Variants in LIMCH1 observed in about 807,000 individuals in gnomAD.
LIMCH1 encodes the protein LIM and calponin homology domains 1, also known as LIM and calponin homology domains-containing protein 1.
LIMCH1 carries 113 observed loss-of-function variants against 176.5 expected under a neutral mutation model. That is an observed-to-expected ratio of 0.64 (90% CI 0.55 to 0.75). LIMCH1 has a LOEUF of 0.75. Ranked by LOEUF, LIMCH1 falls within the 30% of genes least tolerant of loss-of-function variation. The pLI is 0.00. For synonymous variants in LIMCH1, 619 were observed against 645.9 expected (o/e 0.96, Z 0.63); for missense variants, 1,674 against 1,814.9 (o/e 0.92, Z 1.41).
intron 1 of LIMCH1, among the ~76,000 whole-genome samples, chr4:41,401,462 G>C (rs1354247346): frequency 5.3e-5 from 8 of 152,280 alleles, no homozygotes; most frequent in African/African-American, 1.9e-4. Context: ...AAGTCAGGTA[G>C]CATGATGCCT....
intron 1 of LIMCH1, among the ~76,000 whole-genome samples, chr4:41,440,700 T>G (rs2062609704): frequency 1.3e-5 from 2 of 152,036 alleles, no homozygotes; most frequent in Admixed American, 1.3e-4. Context: ...GCCCGGCTAA[T>G]TTTTGTATTT....
At chr4:41,539,639 T>G (rs2078373699) in intron 1 of LIMCH1, among the ~76,000 whole-genome samples, 1 of 152,208 alleles carries the variant, frequency 6.6e-6, no homozygotes, top group Non-Finnish European at 1.5e-5. Flanking sequence ...ATTTTCCCAT[T>G]TCCATTTAGT....
At chr4:41,444,313 TACACACACACACACAC>T (rs71198657) in intron 1 of LIMCH1, among the ~76,000 whole-genome samples, 55 of 134,212 alleles carry the variant, frequency 4.1e-4, no homozygotes, top group Middle Eastern at 3.7e-3. Context: ...TGTATATATA[TACACACACACACACAC>T]ACACACACAC....
At position 41,687,922 on chromosome 4, in the gene LIMCH1, A is replaced by G. The variant is rs1251034634; in HGVS notation, c.4166+5A>G. On this transcript the variant is annotated splice_donor_5th_base_variant and intron_variant, in intron 29 of 31. Transcript: ENST00000503057. ...TCCCGGTCAGTCACCAAACAGGTAC[A>G]AGAGGTCAGCAGGCCTTTCTGAGGC... The G allele has an allele frequency of 6.2e-7, 1 of 1,612,114 alleles. No individual in the cohort carries two copies. The highest frequency in any genetic ancestry group is 1.1e-5 in the South Asian group (1 of 90,984).
intron 1 of LIMCH1, among the ~76,000 whole-genome samples, chr4:41,563,294 AGT>A (rs1436618705): frequency 1.3e-5 from 2 of 152,134 alleles, no homozygotes; most frequent in Non-Finnish European, 2.9e-5. Flanking sequence ...GGGGGCCTGC[AGT>A]GTATGCACAC....
chr4:41,685,605 C>A lies in LIMCH1; in HGVS notation c.3968-105C>A, dbSNP rs931576476. On this transcript the variant is annotated intron_variant, in intron 27 of 31. Coordinates refer to ENST00000503057, the MANE Select transcript of LIMCH1 (RefSeq NM_001330672.2). ...CATGTGCCCATGACCTGCATGAAATCGCTATAAAACCTCAACAGGCATTAG... is the reference window on the plus strand; with the variant it reads ...CATGTGCCCATGACCTGCATGAAATAGCTATAAAACCTCAACAGGCATTAG... 4.4e-5 allele frequency: 58 copies of A among 1,328,474 alleles called. No homozygotes were observed. In the African/African-American group the frequency reaches 8.4e-4, roughly 19 times the overall value. 82.3% of individuals were successfully genotyped at this position (1,328,474 alleles called of 1,614,324 possible). A position where few individuals can be genotyped will look rare whatever the true frequency, so the allele number is the denominator to read the frequency against.
intron 4 of LIMCH1, chr4:41,612,637 G>A (rs1292282760): frequency 2.8e-6 from 2 of 702,504 alleles, no homozygotes; most frequent in East Asian, 2.7e-5. Context: ...TTCTTCTGCT[G>A]GAGTTTCAGT....
chr4:41,523,566 A>G (rs1225867092), intron 2 of LIMCH1, among the ~76,000 whole-genome samples: 2 of 152,228 alleles, frequency 1.3e-5, no homozygotes, highest in Admixed American at 1.3e-4. Flanking sequence ...AACATTCTAC[A>G]TTCTACAGCC....
intron 2 of LIMCH1, among the ~76,000 whole-genome samples, chr4:41,516,726 A>T (rs574471957): frequency 1.3e-5 from 2 of 152,214 alleles, no homozygotes; most frequent in African/African-American, 2.4e-5. Flanking sequence ...TAGTATTAAG[A>T]GGGATGTGAT....
rs748989743 is a variant in LIMCH1 at position 41,564,997 on chromosome 4, TA to T, written c.-241+26650del. On this transcript the variant is annotated intron_variant, in intron 1 of 31. Coordinates refer to ENST00000503057, the MANE Select transcript of LIMCH1 (RefSeq NM_001330672.2). Reference sequence around the variant, plus strand: ...CAGCCCTACAGAACTGTAAGTCAATTAAACCTCTTTCCTTTATAAATTACCC... The same window carrying T: ...CAGCCCTACAGAACTGTAAGTCAATTAACCTCTTTCCTTTATAAATTACCC... Among the ~76,000 whole-genome samples the T allele has an allele frequency of 8.0e-4, 122 of 152,352 alleles. 1 individual carries two copies. The highest frequency in any genetic ancestry group is 1.4e-3 in the Admixed American group (22 of 15,302).
intron 1 of LIMCH1, among the ~76,000 whole-genome samples, chr4:41,378,180 A>G (rs1055888330): frequency 3.3e-5 from 5 of 152,192 alleles, no homozygotes; most frequent in Non-Finnish European, 5.9e-5. Context: ...GGGACATAGC[A>G]CATGGAGAGT....
chr4:41,458,773 CAAAAA>C (rs779184137), intron 1 of LIMCH1, among the ~76,000 whole-genome samples: 1 of 53,468 alleles, frequency 1.9e-5, no homozygotes, highest in Non-Finnish European at 3.7e-5. Context: ...ACTCTGTCAC[CAAAAA>C]AAAAAAAAAA....
intron 1 of LIMCH1, among the ~76,000 whole-genome samples, chr4:41,573,752 T>G (rs1428465589): frequency 6.6e-6 from 1 of 152,192 alleles, no homozygotes; most frequent in East Asian, 1.9e-4. Flanking sequence ...GTAAAGTTGC[T>G]AGATCAAAGA....
At chr4:41,518,814 A>T (rs938585082) in intron 2 of LIMCH1, among the ~76,000 whole-genome samples, 2 of 152,038 alleles carry the variant, frequency 1.3e-5, no homozygotes, top group Non-Finnish European at 2.9e-5. Flanking sequence ...ACTCCCACTT[A>T]TAAGTGAGAA....
intron 1 of LIMCH1, among the ~76,000 whole-genome samples, chr4:41,454,563 C>T (rs1021670793): frequency 5.9e-5 from 9 of 151,912 alleles, no homozygotes; most frequent in East Asian, 5.8e-4. Flanking sequence ...TGGAGGATGC[C>T]GCACCCCTCC....
chr4:41,691,592 C>CAAAA (rs796984431), intron 30 of LIMCH1, among the ~76,000 whole-genome samples: 17 of 62,388 alleles, frequency 2.7e-4, no homozygotes, highest in African/African-American at 8.1e-4. Flanking sequence ...ACTAAAAATA[C>CAAAA]AAAAAAAAAA....
chr4:41,623,010 G>T (rs1057222621), intron 7 of LIMCH1, among the ~76,000 whole-genome samples: 4 of 152,140 alleles, frequency 2.6e-5, no homozygotes, highest in African/African-American at 7.2e-5. Flanking sequence ...TCTCACAAAG[G>T]TTTTACACAT....
At chr4:41,503,966 GAGAGAC>G (rs1296228757) in intron 2 of LIMCH1, among the ~76,000 whole-genome samples, 1 of 152,216 alleles carries the variant, frequency 6.6e-6, no homozygotes, top group Admixed American at 6.5e-5. Flanking sequence ...GGAGTTGCGA[GAGAGAC>G]CTCTCTCCCA....
intron 1 of LIMCH1, among the ~76,000 whole-genome samples, chr4:41,407,669 G>A (rs2059108064): frequency 6.6e-6 from 1 of 152,172 alleles, no homozygotes. Context: ...ATCGAAACAA[G>A]ATAAAACCAA....
Sources: allele counts gnomAD v4.1 joint callset (sites outside exome capture counted in the v4.1 genomes callset), GRCh38; gene constraint gnomAD v4.1.1; transcripts MANE v1.5; gene names NCBI Gene and HGNC (gene_info 2026-07-23, HGNC 2026-07-21).